Variants in NYAP2 observed in about 807,000 individuals in gnomAD.
NYAP2 encodes the protein neuronal tyrosine-phosphorylated phosphoinositide-3-kinase adaptor 2.
NYAP2 carries 23 observed loss-of-function variants against 50.4 expected under a neutral mutation model. The ratio of observed to expected loss-of-function variants is 0.46; its 90% CI spans 0.33 to 0.65. NYAP2 has a LOEUF of 0.65. NYAP2 is among the 30% of genes least tolerant of loss of function. The probability of loss-of-function intolerance (pLI) is 0.02; values close to 1 mark genes in which losing one functional copy is unlikely to be tolerated. For missense variants in NYAP2, 885 were observed against 861.0 expected (o/e 1.03, Z -0.35); for synonymous variants, 394 against 365.2 (o/e 1.08, Z -0.90).
rs1429991803 is a variant in NYAP2 at position 225,489,890 on chromosome 2, C to T, written c.222-23481C>T. Among the ~76,000 whole-genome samples the T allele has an allele frequency of 2.6e-5, 4 of 152,136 alleles. No individual in the cohort carries two copies. The South Asian group carries it at 6.2e-4, about 24-fold the overall frequency. ...AGCACCAGCGTTTTTTAAAGCTCCC[C>T]GGGGTGGATCCAATGTATAGCCAAG... On this transcript the variant is annotated intron_variant, in intron 3 of 6. Coordinates refer to ENST00000636099, the Ensembl canonical transcript of NYAP2.
intron 4 of NYAP2, among the ~76,000 whole-genome samples, chr2:225,532,493 G>T (rs926788390): frequency 6.6e-6 from 1 of 152,054 alleles, no homozygotes; most frequent in Non-Finnish European, 1.5e-5. Context: ...AAATTAAGTG[G>T]TCTACATGGA....
intron 4 of NYAP2, among the ~76,000 whole-genome samples, chr2:225,568,434 T>A (rs1306160758): frequency 6.6e-6 from 1 of 152,186 alleles, no homozygotes; most frequent in East Asian, 1.9e-4. Flanking sequence ...AGTCTCATCA[T>A]CCTGCTTCTT....
intron 3 of NYAP2, among the ~76,000 whole-genome samples, chr2:225,457,481 A>T (rs1689757509): frequency 6.6e-6 from 1 of 152,214 alleles, no homozygotes; most frequent in East Asian, 1.9e-4. Flanking sequence ...AGGAACAAAA[A>T]GTCTAACACT....
chr2:225,605,667 A>G lies in NYAP2; in HGVS notation c.1619-21250A>G, dbSNP rs567398699. On this transcript the variant is annotated intron_variant, in intron 5 of 6. Transcript: ENST00000636099. ...TGGGGAATAATCATAATGTAAATAA[A>G]TAAATAAATAAATAAATGATGGCAA... is the stretch of plus-strand genomic sequence containing the variant. Among the ~76,000 whole-genome samples, 3 of 152,218 alleles carry G rather than the reference A, an allele frequency of 2.0e-5. No homozygotes were observed. In the South Asian group the frequency reaches 6.2e-4, roughly 32 times the overall value.
At chr2:225,589,778 A>G (rs1692463249) in intron 5 of NYAP2, among the ~76,000 whole-genome samples, 1 of 152,082 alleles carries the variant, frequency 6.6e-6, no homozygotes, top group African/African-American at 2.4e-5. Context: ...CCCTCTGTTT[A>G]AGCAGGTGCT....
At chr2:225,473,792 G>C (rs1243505457) in intron 3 of NYAP2, among the ~76,000 whole-genome samples, 1 of 152,200 alleles carries the variant, frequency 6.6e-6, no homozygotes, top group Non-Finnish European at 1.5e-5. Context: ...TTCTTTTGCT[G>C]TGCAGAAGCT....
At position 225,582,107 on chromosome 2, in the gene NYAP2, G is replaced by A. The variant is rs1208554528; in HGVS notation, c.690G>A (p.Gln230=). 3.7e-6 allele frequency: 6 copies of A among 1,613,932 alleles called. No individual in the cohort carries two copies. Residue 230 remains glutamine, a synonymous_variant, in exon 5 of 7, where the codon CAG becomes CAA. Coordinates refer to ENST00000636099, the Ensembl canonical transcript of NYAP2. The surrounding 1 kb of genome is among the most constrained non-coding windows in gnomAD (Gnocchi z 7.0). The stretch of plus-strand genomic sequence containing the variant: ...TGCCGCGGGACTCCTCCTTGTCCCA[G>A]ATGGGCAGCCCCGCGGGAGACCCCG...
intron 4 of NYAP2, among the ~76,000 whole-genome samples, chr2:225,556,424 C>T (rs1009045667): frequency 2.0e-5 from 3 of 152,142 alleles, no homozygotes; most frequent in African/African-American, 2.4e-5. Flanking sequence ...TTATTGTTCA[C>T]GTAATAGTCC....
chr2:225,651,839 G>T, exon 7 of NYAP2: 2 of 315,532 alleles, frequency 6.3e-6, no homozygotes, highest in Non-Finnish European at 5.8e-6. Context: ...ATATGTATTG[G>T]CTTAGTGGTT....
At chr2:225,425,425 T>G (rs1438941228) in intron 3 of NYAP2, among the ~76,000 whole-genome samples, 9 of 152,230 alleles carry the variant, frequency 5.9e-5, no homozygotes, top group Non-Finnish European at 1.3e-4. Flanking sequence ...AATTGAGGTC[T>G]CATGTTAGAG....
At chr2:225,527,560 A>G (rs1032568804) in intron 4 of NYAP2, among the ~76,000 whole-genome samples, 2 of 152,136 alleles carry the variant, frequency 1.3e-5, no homozygotes, top group Non-Finnish European at 2.9e-5. Context: ...AGTTTCTTGG[A>G]TGTTGATTCT....
intron 3 of NYAP2, among the ~76,000 whole-genome samples, chr2:225,469,107 C>A (rs2106158087): frequency 6.6e-6 from 1 of 152,228 alleles, no homozygotes; most frequent in South Asian, 2.1e-4. Flanking sequence ...AAAATTTTAG[C>A]AATCTATCCG....
chr2:225,661,913 A>C, the NYAP2 span, among the ~76,000 whole-genome samples: 1 of 151,980 alleles, frequency 6.6e-6, no homozygotes, highest in Non-Finnish European at 1.5e-5. Context: ...TAATACACAC[A>C]GGGTTTCACC....
intron 5 of NYAP2, among the ~76,000 whole-genome samples, chr2:225,619,276 T>G (rs1693046048): frequency 6.6e-6 from 1 of 152,230 alleles, no homozygotes; most frequent in East Asian, 1.9e-4. Flanking sequence ...AGTGGAAGTT[T>G]GTCTGGCTCT....
intron 4 of NYAP2, among the ~76,000 whole-genome samples, chr2:225,522,463 A>G (rs1389383534): frequency 6.6e-6 from 1 of 152,150 alleles, no homozygotes; most frequent in Non-Finnish European, 1.5e-5. Context: ...GGTTGTTGTT[A>G]CAATCTTGGA....
At chr2:225,398,329 A>G (rs1464228001), upstream of NYAP2, among the ~76,000 whole-genome samples, 3 of 152,074 alleles carry the variant, frequency 2.0e-5, no homozygotes, top group African/African-American at 4.8e-5. Flanking sequence ...GCTTTACACT[A>G]GAGCTTATTC....
intron 4 of NYAP2, among the ~76,000 whole-genome samples, chr2:225,543,991 C>G (rs1688521597): frequency 6.6e-6 from 1 of 151,884 alleles, no homozygotes; most frequent in South Asian, 2.1e-4. Context: ...CTAAATTGAC[C>G]CTTTCATCAT....
rs966561597 is a variant in NYAP2 at position 225,490,994 on chromosome 2, G to C, written c.222-22377G>C. Among the ~76,000 whole-genome samples, 5 of 152,226 alleles carry C rather than the reference G, an allele frequency of 3.3e-5. No individual in the cohort carries two copies. In the East Asian group the frequency reaches 9.7e-4, roughly 29 times the overall value. ...ACCAGTATTTCCTGAAGGTGTTCGT[G>C]TTCTAAGCACTGCCCTAGATGATGG... On this transcript the variant is annotated intron_variant, in intron 3 of 6. Transcript: ENST00000636099.
chr2:225,582,487 C>T lies in NYAP2; in HGVS notation c.1070C>T (p.Pro357Leu), dbSNP rs1182001734. 1 of 1,558,892 alleles carries T rather than the reference C, an allele frequency of 6.4e-7. No homozygotes were observed. ...AACTCCGACGAGTCCCCGCTTACCC[C>T]TCTGGAGGTCACGAAGCTTCCCGTG... The change falls in exon 5 of 7, where the codon CCT becomes CTT. Residue 357 changes from proline to leucine, a missense_variant. Physicochemically the swap from Pro to Leu is moderately conservative, Grantham distance 98 (BLOSUM62 -3). Coordinates refer to ENST00000636099, the Ensembl canonical transcript of NYAP2. The surrounding 1 kb of genome is among the most constrained non-coding windows in gnomAD (Gnocchi z 7.0).
Sources: gnomAD v4.1 joint callset for allele counts (sites outside exome capture counted in the v4.1 genomes callset) on GRCh38, gnomAD v4.1.1 for gene constraint, Gnocchi (gnomAD v3.1) non-coding constraint, MANE v1.5 for transcripts, NCBI Gene and HGNC (gene_info 2026-07-23, HGNC 2026-07-21) for gene names.